Variants in ANK2 observed in about 807,000 individuals in gnomAD.
The protein encoded by ANK2 is ankyrin 2.
Under a neutral mutation model 360.5 loss-of-function variants are expected in ANK2, and 83 were observed. The observed-to-expected ratio is 0.23, with a 90% confidence interval of 0.19 to 0.28. The LOEUF is 0.28. Among genes scored for constraint, ANK2 ranks in the 10% least tolerant of loss-of-function variants. The pLI, the probability that ANK2 is intolerant of heterozygous loss-of-function variation, is 1.00. For missense variants in ANK2, 4,201 were observed against 4,795.7 expected, an observed-to-expected ratio of 0.88 and a Z score of 3.66; for synonymous variants, 1,740 against 1,759.5, an observed-to-expected ratio of 0.99 and a Z score of 0.28.
At chr4:112,786,425 T>C in the ANK2 span, among the ~76,000 whole-genome samples, 2 of 145,662 alleles carry the variant, frequency 1.4e-5, no homozygotes. Context: ...TGAGATGGAG[T>C]CTTGCTTTGT....
chr4:113,092,094 A>G (rs1157094863), intron 1 of ANK2, among the ~76,000 whole-genome samples: 1 of 151,984 alleles, frequency 6.6e-6, no homozygotes, highest in African/African-American at 2.4e-5. Flanking sequence ...TTTAAATGTC[A>G]TTTTTTTCTC....
chr4:112,987,409 G>A (rs566248501), intron 2 of ANK2, among the ~76,000 whole-genome samples: 25 of 152,288 alleles, frequency 1.6e-4, no homozygotes, highest in Middle Eastern at 3.4e-3. Flanking sequence ...CTTTGATTCA[G>A]GTACTAACCA....
In ANK2 at chr4:113,357,494, T is replaced by G; in HGVS notation, c.8876T>G (p.Val2959Gly). Residue 2959 changes from valine to glycine, a missense_variant, in exon 38 of 46, where the codon GTG becomes GGG. Around this residue, in one of 4 missense-constraint regions of ANK2, gnomAD observed 2,642 missense variants for 2,714.5 expected, o/e 0.97. Coordinates refer to ENST00000357077, the MANE Select transcript of ANK2 (RefSeq NM_001148.6). ...ACCACAAGTTTTCACTCTTCTGAAG[T>G]GTATTCTGTTACCATCACATCCCCT... ...NHTTSFHSSEVYSVTITSPVE... is the reference protein window; with the variant it reads ...NHTTSFHSSEGYSVTITSPVE... The G allele has an allele frequency of 6.2e-7, 1 of 1,614,154 alleles. No individual in the cohort carries two copies. Among genetic ancestry groups the G allele is most frequent in the Non-Finnish European group, 8.5e-7 (1 of 1,179,990 alleles).
At chr4:112,877,197 A>G (rs1056802892) in intron 1 of ANK2, among the ~76,000 whole-genome samples, 3 of 152,020 alleles carry the variant, frequency 2.0e-5, no homozygotes, top group African/African-American at 7.3e-5. Flanking sequence ...CTGTATTTTC[A>G]ACCTCTTTCC....
At chr4:112,791,463 ACTTCTT>A in the ANK2 span, among the ~76,000 whole-genome samples, 1 of 118,224 alleles carries the variant, frequency 8.5e-6, no homozygotes, top group Non-Finnish European at 1.7e-5. Context: ...AAAGCCTCTT[ACTTCTT>A]CTTCTTCTTC....
intron 10 of ANK2, among the ~76,000 whole-genome samples, chr4:113,253,013 A>G (rs1330938669): frequency 6.6e-6 from 1 of 152,078 alleles, no homozygotes; most frequent in Non-Finnish European, 1.5e-5. Context: ...CCTTGTCTTC[A>G]TTTCCCATAA....
rs566306992 is a variant in ANK2 at position 112,917,403 on chromosome 4, T to C, written c.21+12889T>C. The stretch of plus-strand genomic sequence containing the variant: ...TTGATGTCCTGAAGCAATATACTTA[T>C]CCTCCACCACCAACACTGCCATGAT... On this transcript the variant is annotated intron_variant, in intron 2 of 30. Transcript: ENST00000503271. Among the ~76,000 whole-genome samples, 7 of 152,312 alleles carry C rather than the reference T, an allele frequency of 4.6e-5. No homozygotes were observed. The East Asian group carries it at 9.6e-4, about 21-fold the overall frequency.
At chr4:113,378,044 CTATAGTTT>C in intron 45 of ANK2, 1 of 964,512 alleles carries the variant, frequency 1.0e-6, no homozygotes, top group Non-Finnish European at 1.4e-6. Context: ...GTTTGAAAGT[CTATAGTTT>C]ATGATGAGCT....
At chr4:112,780,647 T>C in the ANK2 span, among the ~76,000 whole-genome samples, 1 of 152,168 alleles carries the variant, frequency 6.6e-6, no homozygotes, top group Non-Finnish European at 1.5e-5. Flanking sequence ...GAAAGAGATT[T>C]AATTGACTCA....
intron 2 of ANK2, among the ~76,000 whole-genome samples, chr4:112,991,475 C>T (rs965490215): frequency 5.3e-5 from 8 of 152,104 alleles, no homozygotes; most frequent in Non-Finnish European, 1.2e-4. Context: ...CTGGTATAAT[C>T]CCTTCTCTAT....
intron 25 of ANK2, among the ~76,000 whole-genome samples, chr4:113,318,075 A>G (rs1485679046): frequency 1.3e-5 from 2 of 152,238 alleles, no homozygotes; most frequent in African/African-American, 4.8e-5. Flanking sequence ...TATGAACATT[A>G]TATTTTTAAA....
chr4:113,191,236 G>A (rs961274535), intron 2 of ANK2, among the ~76,000 whole-genome samples: 11 of 152,094 alleles, frequency 7.2e-5, no homozygotes, highest in Non-Finnish European at 7.4e-5. Context: ...CCAACTACTC[G>A]GGAGACGGAG....
chr4:113,343,836 C>T (rs1424565180), intron 34 of ANK2, among the ~76,000 whole-genome samples: 15 of 152,274 alleles, frequency 9.9e-5, no homozygotes, highest in Non-Finnish European at 2.1e-4. Context: ...TTGTTTCTCA[C>T]AATTTATTTC....
chr4:113,192,926 A>ATTT (rs755752642), intron 2 of ANK2, among the ~76,000 whole-genome samples: 1,531 of 137,824 alleles, frequency 0.011, 14 homozygotes, highest in Non-Finnish European at 0.018. Context: ...GCATTATTTA[A>ATTT]AAAAAAAAAA....
At chr4:112,843,952 C>A (rs2062733847) in intron 1 of ANK2, among the ~76,000 whole-genome samples, 1 of 152,050 alleles carries the variant, frequency 6.6e-6, no homozygotes, top group Admixed American at 6.5e-5. Flanking sequence ...GCTACAAAAA[C>A]CTTGGTTCTG....
the ANK2 span, among the ~76,000 whole-genome samples, chr4:112,806,985 A>C: frequency 1.3e-5 from 2 of 152,136 alleles, no homozygotes; most frequent in Non-Finnish European, 2.9e-5. Context: ...ACACAAAATG[A>C]GTCTTCAGGG....
the ANK2 span, among the ~76,000 whole-genome samples, chr4:112,752,244 C>A: frequency 6.6e-6 from 1 of 152,364 alleles, no homozygotes; most frequent in East Asian, 1.9e-4. Flanking sequence ...ACTCCATAAA[C>A]CCTCCTTGAG....
chr4:113,204,567 G>A (rs771926825), intron 4 of ANK2, among the ~76,000 whole-genome samples: 3 of 152,106 alleles, frequency 2.0e-5, no homozygotes, highest in Non-Finnish European at 2.9e-5. Context: ...TTATAATTAT[G>A]TGAATCAACA....
At chr4:113,259,835 C>A (rs1461924333) in intron 13 of ANK2, among the ~76,000 whole-genome samples, 1 of 138,944 alleles carries the variant, frequency 7.2e-6, no homozygotes, top group Non-Finnish European at 1.5e-5. Flanking sequence ...TTAATTGAGA[C>A]CTGAACAGAT....
Sources: allele counts gnomAD v4.1 joint callset (sites outside exome capture counted in the v4.1 genomes callset), GRCh38; gene constraint gnomAD v4.1.1; regional missense constraint gnomAD v4.1.1; transcripts MANE v1.5; gene names NCBI Gene and HGNC (gene_info 2026-07-23, HGNC 2026-07-21).